Variants in TTC7A observed in about 807,000 individuals in gnomAD.
The protein encoded by TTC7A is tetratricopeptide repeat protein 7A.
Under a neutral mutation model 103.7 loss-of-function variants are expected in TTC7A, and 110 were observed. The observed-to-expected ratio is 1.06, with a 90% confidence interval of 0.91 to 1.24. TTC7A has a LOEUF of 1.24. Among genes scored for constraint, TTC7A ranks in the 50% most tolerant of loss-of-function variants. The pLI is 0.00. For missense variants in TTC7A, 1,340 were observed against 1,116.3 expected (o/e 1.20, Z -2.86); for synonymous variants, 521 against 467.9 (o/e 1.11, Z -1.47).
chr2:47,003,166 TTCTC>T (rs1677015284), intron 8 of TTC7A, among the ~76,000 whole-genome samples: 1 of 151,784 alleles, frequency 6.6e-6, no homozygotes, highest in African/African-American at 2.4e-5. Flanking sequence ...CCCAGAGTCT[TTCTC>T]TCCTGAGTGT....
intron 19 of TTC7A, among the ~76,000 whole-genome samples, chr2:47,063,845 A>G (rs1683979765): frequency 6.6e-6 from 1 of 152,178 alleles, no homozygotes; most frequent in Admixed American, 6.5e-5. Flanking sequence ...CGGTGGAGGT[A>G]TTCTTAGTGT....
At chr2:46,917,151 C>T (rs1299180107) in intron 1 of TTC7A, 2 of 700,574 alleles carry the variant, frequency 2.9e-6, no homozygotes, top group East Asian at 5.4e-5. Flanking sequence ...AGAAAAATCC[C>T]ATAATCCCTA....
intron 18 of TTC7A, among the ~76,000 whole-genome samples, chr2:47,059,670 T>G (rs1175750841): frequency 6.6e-6 from 1 of 152,074 alleles, no homozygotes; most frequent in Non-Finnish European, 1.5e-5. Context: ...ATGAACAAAG[T>G]GAAGGAACAC....
intron 3 of TTC7A, among the ~76,000 whole-genome samples, chr2:46,959,017 C>T (rs1672149428): frequency 6.6e-6 from 1 of 152,122 alleles, no homozygotes; most frequent in African/African-American, 2.4e-5. Context: ...TTCTATGTCG[C>T]GGATGAGGAG....
intron 10 of TTC7A, among the ~76,000 whole-genome samples, chr2:47,008,236 G>T (rs944381780): frequency 6.6e-6 from 1 of 152,176 alleles, no homozygotes; most frequent in South Asian, 2.1e-4. Context: ...GCAGTGGTTC[G>T]CACCCTTCTG....
chr2:47,044,713 G>T (rs980016806), intron 15 of TTC7A, among the ~76,000 whole-genome samples: 1 of 152,220 alleles, frequency 6.6e-6, no homozygotes, highest in Non-Finnish European at 1.5e-5. Flanking sequence ...GTCAGGAAAG[G>T]CATTTTGGGG....
chr2:46,939,677 C>T (rs1239398514), upstream of TTC7A, among the ~76,000 whole-genome samples: 1 of 152,174 alleles, frequency 6.6e-6, no homozygotes, highest in Non-Finnish European at 1.5e-5. Flanking sequence ...CTGTTCACTC[C>T]CTGCCCCAGG....
At chr2:47,021,819 A>C in intron 11 of TTC7A, 43 bp from the exon 12 acceptor site, 1 of 1,540,614 alleles carries the variant, frequency 6.5e-7, no homozygotes, top group African/African-American at 1.4e-5. Context: ...GGTAGAGGAA[A>C]CTCCAACCCC....
chr2:46,993,436 C>T lies in TTC7A; in HGVS notation c.765-14C>T, dbSNP rs767354746. ...AGGCTGGTAACAAATCTACTTCTGC[C>T]GTCCTCCCACCAGGAACATCGTGAA... On this transcript the variant is annotated splice_polypyrimidine_tract_variant and intron_variant, in intron 5 of 19. Coordinates refer to ENST00000319190, the MANE Select transcript of TTC7A (RefSeq NM_020458.4). 47 of 1,613,752 alleles carry T rather than the reference C, an allele frequency of 2.9e-5. 3 individuals are homozygous for T. In the South Asian group the frequency reaches 3.2e-4, roughly 11 times the overall value.
At chr2:47,057,758 C>G (rs1236056590) in intron 18 of TTC7A, among the ~76,000 whole-genome samples, 1 of 152,228 alleles carries the variant, frequency 6.6e-6, no homozygotes, top group South Asian at 2.1e-4. Context: ...TCCTTGTCCT[C>G]TTAGTCCAAA....
intron 17 of TTC7A, chr2:47,050,877 A>C (rs916812283): frequency 8.5e-5 from 13 of 152,248 alleles, no homozygotes; most frequent in Admixed American, 7.8e-4. Flanking sequence ...CTTGTCTCAT[A>C]AACTGAAGTC....
intron 8 of TTC7A, among the ~76,000 whole-genome samples, chr2:47,004,941 T>C (rs1033407082): frequency 1.3e-5 from 2 of 152,110 alleles, no homozygotes; most frequent in African/African-American, 2.4e-5. Context: ...TATCTGCACA[T>C]ACCAAAGAAC....
chr2:46,934,796 T>C, intron 2 of TTC7A, among the ~76,000 whole-genome samples: 1 of 112,830 alleles, frequency 8.9e-6, no homozygotes, highest in African/African-American at 3.6e-5. Flanking sequence ...TCTTTTTTTT[T>C]TTTTTTTTTT....
intron 3 of TTC7A, chr2:46,974,726 C>A: frequency 1.7e-6 from 1 of 590,424 alleles, no homozygotes; most frequent in Non-Finnish European, 3.2e-6. Context: ...TCAGGAGTGG[C>A]TTCCCCGGGT....
In TTC7A at chr2:46,978,908, G is replaced by GT; in HGVS notation, c.764+2dup. On this transcript the variant is annotated splice_donor_variant, in intron 5 of 19. Coordinates refer to ENST00000319190, the MANE Select transcript of TTC7A (RefSeq NM_020458.4). LOFTEE classifies it high-confidence loss of function. ...CCTATGTGAAAAACCTGAAGAAGGG[G>GT]TAGGTCACTGGTAGTTGAGTGAGTG... The GT allele has an allele frequency of 6.2e-7, 1 of 1,609,738 alleles. No homozygotes were observed. Among genetic ancestry groups the GT allele is most frequent in the South Asian group, 1.1e-5 (1 of 91,004 alleles).
intron 11 of TTC7A, among the ~76,000 whole-genome samples, chr2:47,012,675 C>T (rs981311756): frequency 7.9e-5 from 12 of 152,218 alleles, no homozygotes; most frequent in African/African-American, 2.7e-4. Flanking sequence ...AACCTTTCTT[C>T]CCTGGGATTG....
In TTC7A at chr2:46,941,725, G is replaced by A. The variant is rs200904193; in HGVS notation, c.184G>A (p.Asp62Asn). The change falls in exon 1 of 20, where the codon GAT becomes AAT. Residue 62 changes from aspartate to asparagine, a missense_variant and splice_region_variant. Coordinates refer to ENST00000319190, the MANE Select transcript of TTC7A (RefSeq NM_020458.4). This position sits in a 1 kb window ranked among gnomAD's most constrained non-coding sequence, Gnocchi z 4.2. ...CGCAGCGTTCACCTTTCCGGACACC[G>A]GTGAGTAAGGGAAGAGGCTGGCTCG... ...PSAAFTFPDT[D>N]DFGKLLLAEA... The A allele has an allele frequency of 3.2e-6, 5 of 1,549,730 alleles. No homozygotes were observed. The East Asian group carries it at 9.8e-5, about 30-fold the overall frequency.
chr2:47,047,617 G>C (rs1213325534), intron 16 of TTC7A, among the ~76,000 whole-genome samples: 1 of 152,222 alleles, frequency 6.6e-6, no homozygotes, highest in Non-Finnish European at 1.5e-5. Flanking sequence ...TCCTGCAAGG[G>C]GGTTGCTCCA....
chr2:47,009,909 T>TG (rs376337762), intron 10 of TTC7A, among the ~76,000 whole-genome samples: 69 of 35,858 alleles, frequency 1.9e-3, no homozygotes, highest in African/African-American at 6.1e-3. Flanking sequence ...TTTTTGGTGG[T>TG]GGGGGGGACA....
Sources: gnomAD v4.1 joint callset for allele counts (sites outside exome capture counted in the v4.1 genomes callset) on GRCh38, gnomAD v4.1.1 for gene constraint, Gnocchi (gnomAD v3.1) non-coding constraint, MANE v1.5 for transcripts, NCBI Gene and HGNC (gene_info 2026-07-23, HGNC 2026-07-21) for gene names.